The following UGT1A5 variants were observed in gnomAD, a reference collection of about 807,000 sequenced individuals.
The protein encoded by UGT1A5 is UDP-glucuronosyltransferase 1A5.
UGT1A5 carries 29 observed loss-of-function variants against 40.3 expected under a neutral mutation model. The ratio of observed to expected loss-of-function variants is 0.72; its 90% confidence interval spans 0.54 to 0.98. The LOEUF (loss-of-function observed/expected upper bound fraction) is 0.98, where lower values mean the gene tolerates loss of function less well. UGT1A5 is among the 50% of genes least tolerant of loss of function. The pLI, the probability that UGT1A5 is intolerant of heterozygous loss-of-function variation, is 0.00. For synonymous variants in UGT1A5, 257 were observed against 262.5 expected (o/e 0.98, Z 0.20); for missense variants, 678 against 677.9 (o/e 1.00, Z 0.00).
intron 1 of UGT1A5, chr2:233,747,282 G>A: frequency 6.2e-7 from 1 of 1,600,800 alleles, no homozygotes; most frequent in Non-Finnish European, 8.5e-7. Context: ...TCAGTGCCCA[G>A]CCCTGGGCTG....
chr2:233,757,475 A>T (rs1291183794), intron 1 of UGT1A5, among the ~76,000 whole-genome samples: 1 of 148,302 alleles, frequency 6.7e-6, no homozygotes, highest in Non-Finnish European at 1.5e-5. Context: ...CTGTCTCCAA[A>T]ACCATGGACT....
Position 233,719,565 on chromosome 2 carries a change from G to C in UGT1A5, c.867+5707G>C, listed in dbSNP as rs1369586319. The C allele has an allele frequency of 1.5e-5, 24 of 1,613,790 alleles. No individual in the cohort carries two copies. The highest frequency in any genetic ancestry group is 1.9e-5 in the Non-Finnish European group (23 of 1,179,874). ...GAGAGAGGTGTCAGTGGTGGATCTT[G>C]TCAGCTATGCATCCGTGTGGCTGTT... On this transcript the variant is annotated intron_variant, in intron 1 of 4. Coordinates refer to ENST00000373414, the MANE Select transcript of UGT1A5 (RefSeq NM_019078.2).
chr2:233,772,177 GTCT>G, intron 4 of UGT1A5, 82 bp from the exon 5 acceptor site: 1 of 1,583,018 alleles, frequency 6.3e-7, no homozygotes. Flanking sequence ...AAATCTGGTA[GTCT>G]TCTTAAGCAG....
chr2:233,715,559 C>G (rs1347075985), intron 1 of UGT1A5, among the ~76,000 whole-genome samples: 2 of 152,016 alleles, frequency 1.3e-5, no homozygotes, highest in African/African-American at 2.4e-5. Flanking sequence ...ATTGCTTGAG[C>G]CCAGGAGTCT....
At chr2:233,718,929 G>C in intron 1 of UGT1A5, 1 of 1,614,160 alleles carries the variant, frequency 6.2e-7, no homozygotes, top group Non-Finnish European at 8.5e-7. Context: ...GGTGCCCACT[G>C]ATGGCAGCCC....
At chr2:233,729,039 C>T (rs2077779281) in intron 1 of UGT1A5, 1 of 1,604,830 alleles carries the variant, frequency 6.2e-7, no homozygotes, top group Non-Finnish European at 8.5e-7. Context: ...TGCTAAGTGG[C>T]TCAGTGACAA....
chr2:233,729,418 C>A, intron 1 of UGT1A5: 1 of 1,613,756 alleles, frequency 6.2e-7, no homozygotes, highest in Middle Eastern at 1.6e-4. Context: ...GGGCCACACT[C>A]AACTGTACTT....
intron 1 of UGT1A5, chr2:233,719,003 C>T: frequency 6.2e-7 from 1 of 1,614,256 alleles, no homozygotes; most frequent in Admixed American, 1.7e-5. Context: ...CGGTGGTCCT[C>T]ACCCCAGAGG....
intron 1 of UGT1A5, among the ~76,000 whole-genome samples, chr2:233,757,694 G>A (rs757732265): frequency 2.0e-5 from 3 of 151,666 alleles, no homozygotes; most frequent in Non-Finnish European, 4.4e-5. Flanking sequence ...ATTCAAGGAA[G>A]GTGGCTTTGC....
At chr2:233,721,693 G>A (rs905890959) in intron 1 of UGT1A5, 13 of 351,018 alleles carry the variant, frequency 3.7e-5, no homozygotes, top group African/African-American at 6.4e-5. Context: ...TCTGCAAGAC[G>A]CATGGCTCAT....
At chr2:233,755,437 G>A (rs558010225) in intron 1 of UGT1A5, 20 of 316,674 alleles carry the variant, frequency 6.3e-5, no homozygotes, top group East Asian at 5.9e-4. Flanking sequence ...ATCCCAAGAT[G>A]CAGTGCTCCT....
chr2:233,747,785 C>T, intron 1 of UGT1A5: 1 of 1,613,494 alleles, frequency 6.2e-7, no homozygotes, highest in Non-Finnish European at 8.5e-7. Context: ...CAAATCCTTC[C>T]TCCTATATTC....
In UGT1A5 at chr2:233,713,391, A is replaced by T. The variant is rs373895890; in HGVS notation, c.400A>T (p.Asn134Tyr). 6.2e-7 allele frequency: 1 copy of T among 1,614,152 alleles called. No individual in the cohort carries two copies. The highest frequency in any genetic ancestry group is 1.1e-5 in the South Asian group (1 of 91,076). ...TAGGTCTTGTGTGGAGCTACTGCATAATGAGGCCCTGATCAGGCACCTGCA... is the reference window on the plus strand; with the variant it reads ...TAGGTCTTGTGTGGAGCTACTGCATTATGAGGCCCTGATCAGGCACCTGCA... ...IHRSCVELLH[N>Y]EALIRHLHAT... Residue 134 changes from asparagine (N) to tyrosine (Y), a missense_variant, in exon 1 of 5, where the codon AAT (asparagine) becomes TAT (tyrosine). Asn to Tyr is a moderately radical substitution (Grantham distance 143). Coordinates refer to ENST00000373414, the MANE Select transcript of UGT1A5 (RefSeq NM_019078.2).
chr2:233,754,900 C>G, intron 1 of UGT1A5: 3 of 1,352,224 alleles, frequency 2.2e-6, no homozygotes, highest in Non-Finnish European at 3.0e-6. Flanking sequence ...CTCTGACCCC[C>G]CAAAATATTC....
rs879204025 is a variant in UGT1A5, at chr2:233,769,857, CA to C, written c.1307+1435del. 0.15 allele frequency: 32,681 copies of C among 223,256 alleles called. 81 individuals are homozygous for C. Among genetic ancestry groups the C allele is most frequent in the Middle Eastern group, 0.2 (155 of 784 alleles). The allele number at this position is 223,256 out of a possible 1,614,324, so 13.8% of individuals were successfully genotyped here. ...TGGGCAACAGAGTGAGACCCTGTCT[CA>C]AAAAAAAAAAAAAAAATGAAAAGTC... On this transcript the variant is annotated intron_variant, in intron 4 of 4. Transcript: ENST00000373414. This position sits in a 1 kb window ranked among gnomAD's most constrained non-coding sequence, Gnocchi z 4.4.
intron 1 of UGT1A5, chr2:233,755,405 C>T (rs1027033483): frequency 1.1e-4 from 37 of 334,342 alleles, no homozygotes; most frequent in Middle Eastern, 1.1e-3. Context: ...ATCTCATTGG[C>T]CGAGGCCTGT....
At chr2:233,726,933 A>AT (rs1312634062) in intron 1 of UGT1A5, among the ~76,000 whole-genome samples, 1 of 151,726 alleles carries the variant, frequency 6.6e-6, no homozygotes, top group Non-Finnish European at 1.5e-5. Flanking sequence ...TCCTTTTTTC[A>AT]TTTTTAAAAA....
intron 1 of UGT1A5, chr2:233,760,971 C>A (rs773436128): frequency 6.2e-7 from 1 of 1,614,154 alleles, no homozygotes; most frequent in Non-Finnish European, 8.5e-7. Context: ...TGGTTTATTC[C>A]CCGTATGCAA....
intron 1 of UGT1A5, among the ~76,000 whole-genome samples, chr2:233,745,931 A>T (rs1693251740): frequency 1.3e-5 from 2 of 151,426 alleles, no homozygotes; most frequent in African/African-American, 4.9e-5. Flanking sequence ...TTCAGAAGGG[A>T]CAGCTGGGGG....
Sources: gnomAD v4.1 joint callset for allele counts (sites outside exome capture counted in the v4.1 genomes callset) on GRCh38, gnomAD v4.1.1 for gene constraint, Gnocchi (gnomAD v3.1) non-coding constraint, MANE v1.5 for transcripts, NCBI Gene and HGNC (gene_info 2026-07-23, HGNC 2026-07-21) for gene names.